DAB1: variants seen among roughly 807,000 people sequenced by gnomAD.
The protein encoded by DAB1 is DAB adaptor protein 1, also known as disabled homolog 1.
Under a neutral mutation model 64.6 loss-of-function variants are expected in DAB1, and 15 were observed. The observed-to-expected ratio is 0.23, with a 90% CI of 0.16 to 0.36. DAB1 has a LOEUF of 0.36. Ranked by LOEUF, DAB1 falls within the 10% of genes least tolerant of loss-of-function variation. The pLI, the probability that DAB1 is intolerant of heterozygous loss-of-function variation, is 1.00. For synonymous variants in DAB1, 235 were observed against 251.9 expected, an observed-to-expected ratio of 0.93 and a Z score of 0.64; for missense variants, 596 against 706.7, an observed-to-expected ratio of 0.84 and a Z score of 1.78.
chr1:57,639,881 A>G (rs907957559), intron 7 of DAB1, among the ~76,000 whole-genome samples: 1 of 152,226 alleles, frequency 6.6e-6, no homozygotes, highest in Non-Finnish European at 1.5e-5. Flanking sequence ...ATCACATTAG[A>G]TAGGCCATCT....
At chr1:57,369,165 C>G (rs902595918) in intron 1 of DAB1, among the ~76,000 whole-genome samples, 1 of 152,202 alleles carries the variant, frequency 6.6e-6, no homozygotes, top group African/African-American at 2.4e-5. Flanking sequence ...GCAAGGCAGG[C>G]AATCTCTCCA....
intron 5 of DAB1, among the ~76,000 whole-genome samples, chr1:58,036,003 G>C (rs6698616): frequency 0.32 from 48,572 of 152,064 alleles, 9,839 homozygotes; most frequent in Non-Finnish European, 0.45. Context: ...TGATTTAATT[G>C]GTTGTCTCCA....
intron 3 of DAB1, among the ~76,000 whole-genome samples, chr1:58,434,644 C>A (rs77554680): frequency 0.15 from 22,837 of 152,134 alleles, 2,196 homozygotes; most frequent in Non-Finnish European, 0.22. Flanking sequence ...GCATTTAATG[C>A]CATTAGAATG....
At chr1:58,056,961 A>G (rs1277765319) in intron 5 of DAB1, among the ~76,000 whole-genome samples, 1 of 151,470 alleles carries the variant, frequency 6.6e-6, no homozygotes, top group Non-Finnish European at 1.5e-5. Flanking sequence ...TGTAACTCGT[A>G]TGTTTTCCCT....
chr1:57,508,370 T>C (rs1289513429), intron 7 of DAB1, among the ~76,000 whole-genome samples: 4 of 152,208 alleles, frequency 2.6e-5, no homozygotes, highest in African/African-American at 9.7e-5. Context: ...CGCTAAAAAG[T>C]ATCTGTTGAA....
intron 1 of DAB1, among the ~76,000 whole-genome samples, chr1:57,379,006 C>T (rs990292979): frequency 1.3e-5 from 2 of 152,128 alleles, no homozygotes; most frequent in Non-Finnish European, 2.9e-5. Context: ...TAGATGCTAC[C>T]TCTGTCTCTG....
At chr1:58,308,696 A>G (rs1662359928) in intron 4 of DAB1, among the ~76,000 whole-genome samples, 2 of 152,206 alleles carry the variant, frequency 1.3e-5, no homozygotes, top group Non-Finnish European at 2.9e-5. Flanking sequence ...TGCTGGATTC[A>G]GCAACCTGCT....
chr1:57,101,569 A>G lies in DAB1; in HGVS notation c.307-29155T>C, dbSNP rs151161652. Reference sequence around the variant, plus strand: ...ACAAAGGAGAGGCCTGCATTCTGGCAGAGCCATTGAAATAAAAAGAAAGCT... The same window carrying G: ...ACAAAGGAGAGGCCTGCATTCTGGCGGAGCCATTGAAATAAAAAGAAAGCT... On this transcript the variant is annotated intron_variant, in intron 4 of 14. Transcript: ENST00000371236. Among the ~76,000 whole-genome samples the G allele has an allele frequency of 3.5e-4, 54 of 152,374 alleles. 2 individuals carry two copies. The East Asian group carries it at 0.01, about 29-fold the overall frequency.
intron 4 of DAB1, among the ~76,000 whole-genome samples, chr1:58,224,968 A>C (rs1297857013): frequency 6.6e-6 from 1 of 152,202 alleles, no homozygotes; most frequent in Non-Finnish European, 1.5e-5. Flanking sequence ...AATCGGATCT[A>C]ATTAAACTAA....
chr1:57,952,970 A>G (rs1645310032), intron 5 of DAB1, among the ~76,000 whole-genome samples: 1 of 151,640 alleles, frequency 6.6e-6, no homozygotes, highest in South Asian at 2.1e-4. Context: ...TCCACCTTCT[A>G]AGGCCACAAA....
Position 57,594,722 on chromosome 1 carries a change from T to G in DAB1, n.625+54870A>C, listed in dbSNP as rs185741685. 5.3e-5 allele frequency among the ~76,000 whole-genome samples: 8 copies of G among 152,246 alleles called. No homozygotes were observed. In the East Asian group the frequency reaches 1.5e-3, roughly 29 times the overall value. On this transcript the variant is annotated intron_variant and non_coding_transcript_variant, in intron 7 of 20. Coordinates refer to the DAB1 transcript ENST00000485760. ...TTTATTTATATACTTATTTATTTAT[T>G]TATTTAGAGACAGAGTCTTGCTCTG...
intron 7 of DAB1, among the ~76,000 whole-genome samples, chr1:57,512,797 T>C (rs1002048408): frequency 6.6e-6 from 1 of 152,104 alleles, no homozygotes; most frequent in Non-Finnish European, 1.5e-5. Flanking sequence ...AGGAGGTGAA[T>C]GAGATTCCCG....
intron 2 of DAB1, among the ~76,000 whole-genome samples, chr1:57,230,259 CA>C (rs1667565568): frequency 1.3e-5 from 2 of 149,708 alleles, no homozygotes; most frequent in Admixed American, 1.3e-4. Flanking sequence ...TTGCTTTCAA[CA>C]TTGGCGATGT....
At chr1:58,061,947 C>T (rs1648527689) in intron 5 of DAB1, among the ~76,000 whole-genome samples, 1 of 152,136 alleles carries the variant, frequency 6.6e-6, no homozygotes. Context: ...TTAGTATCTA[C>T]CCTAACATGC....
chr1:57,212,461 G>A (rs749892600), intron 2 of DAB1, among the ~76,000 whole-genome samples: 20 of 145,382 alleles, frequency 1.4e-4, no homozygotes, highest in Non-Finnish European at 2.1e-4. Context: ...TCCACCTCCT[G>A]GGTTCATGCC....
chr1:57,233,088 A>G (rs1261837988), intron 2 of DAB1, among the ~76,000 whole-genome samples: 1 of 151,804 alleles, frequency 6.6e-6, no homozygotes, highest in Non-Finnish European at 1.5e-5. Context: ...AACCGGAAAG[A>G]CTCTGGCATC....
At chr1:57,884,426 A>G (rs1644192492), upstream of DAB1, among the ~76,000 whole-genome samples, 1 of 152,200 alleles carries the variant, frequency 6.6e-6, no homozygotes, top group South Asian at 2.1e-4. Context: ...AAAAGCAAAC[A>G]TGCTCATTCA....
chr1:57,937,620 C>A (rs1302798553), intron 5 of DAB1, among the ~76,000 whole-genome samples: 2 of 152,162 alleles, frequency 1.3e-5, no homozygotes, highest in African/African-American at 4.8e-5. Context: ...AGAGACAGAG[C>A]TTTTATAAAG....
chr1:57,570,998 C>T (rs1010565373), intron 7 of DAB1, among the ~76,000 whole-genome samples: 1 of 152,106 alleles, frequency 6.6e-6, no homozygotes, highest in African/African-American at 2.4e-5. Flanking sequence ...TGATTTGATT[C>T]TCATCTGGGT....
Sources: gnomAD v4.1 joint callset for allele counts (sites outside exome capture counted in the v4.1 genomes callset) on GRCh38, gnomAD v4.1.1 for gene constraint, MANE v1.5 for transcripts, NCBI Gene and HGNC (gene_info 2026-07-23, HGNC 2026-07-21) for gene names.